HDAC10: variants seen among roughly 807,000 people sequenced by gnomAD.
The protein encoded by HDAC10 is histone deacetylase 10.
Under a neutral mutation model 82.3 loss-of-function variants are expected in HDAC10, and 90 were observed. The ratio of observed to expected loss-of-function variants is 1.09; its 90% CI spans 0.92 to 1.30. The LOEUF (loss-of-function observed/expected upper bound fraction) is 1.30. Among genes scored for constraint, HDAC10 ranks in the 50% most tolerant of loss-of-function variants. The pLI, the probability that HDAC10 is intolerant of heterozygous loss-of-function variation, is 0.00. For synonymous variants in HDAC10, 456 were observed against 391.7 expected, an observed-to-expected ratio of 1.16 and a Z score of -1.94; for missense variants, 934 against 876.3, an observed-to-expected ratio of 1.07 and a Z score of -0.83.
Position 50,250,418 on chromosome 22 carries a change from G to C in HDAC10, c.291+9C>G. 1.2e-6 allele frequency: 2 copies of C among 1,611,756 alleles called. No individual in the cohort carries two copies. Among genetic ancestry groups the C allele is most frequent in the Non-Finnish European group, 1.7e-6 (2 of 1,178,864 alleles). ...GTCTGCACAGGTGAGTGTGTCCGGG[G>C]ACACGCACCGGGTGGAAGTAGATGG... On this transcript the variant is annotated intron_variant, in intron 3 of 19. Transcript: ENST00000216271.
At position 50,245,895 on chromosome 22, in the gene HDAC10, C is replaced by T. The variant is rs755525016; in HGVS notation, c.1833+15G>A. 2.1e-5 allele frequency: 33 copies of T among 1,561,446 alleles called. No individual in the cohort carries two copies. The highest frequency in any genetic ancestry group is 2.8e-5 in the Non-Finnish European group (32 of 1,152,934). On this transcript the variant is annotated intron_variant, in intron 18 of 19. Transcript: ENST00000216271. ...CTCGTCCCACCCCGCAGCACCTCCA[C>T]CCTGCCCAGCTTACCTCCTCCAGGA...
In HDAC10 at chr22:50,248,718, G is replaced by C; in HGVS notation, c.850C>G (p.His284Asp). Residue 284 changes from histidine (H) to aspartate (D), a missense_variant, in exon 10 of 20, where the codon CAC becomes GAC. Physicochemically the swap from His to Asp is moderately conservative, Grantham distance 81 (BLOSUM62 -1). Transcript: ENST00000216271. The surrounding 1 kb of genome is among the most constrained non-coding windows in gnomAD (Gnocchi z 5.4). The part of the protein sequence containing the change: ...QMQATPECFA[H>D]LTQLLQVLAG... ...AGCACCTGCAGCAGCTGTGTGAGGT[G>C]GGCGAAGCACTCTGGCGTGGCCTGC... 1 of 1,565,694 alleles carries C rather than the reference G, an allele frequency of 6.4e-7. No homozygotes were observed. The highest frequency in any genetic ancestry group is 8.7e-7 in the Non-Finnish European group (1 of 1,154,546).
intron 14 of HDAC10, 94 bp from the exon 15 acceptor site, chr22:50,247,060 C>T (rs982492904): frequency 5.8e-5 from 41 of 709,414 alleles, no homozygotes; most frequent in South Asian, 4.0e-4. Context: ...TGTGTCTCTG[C>T]GGCTACTGTC....
Position 50,249,684 on chromosome 22 carries a change from C to T in HDAC10, c.514G>A (p.Asp172Asn). 6.2e-7 allele frequency: 1 copy of T among 1,612,730 alleles called. No homozygotes were observed. Among genetic ancestry groups the T allele is most frequent in the East Asian group, 2.2e-5 (1 of 44,846 alleles). The change falls in exon 6 of 20, where the codon GAT becomes AAT. Residue 172 changes from aspartate (D) to asparagine (N), a missense_variant. Physicochemically the swap from Asp to Asn is conservative, Grantham distance 23. Transcript: ENST00000216271. The surrounding 1 kb of genome is among the most constrained non-coding windows in gnomAD (Gnocchi z 4.4). ...TGGATCCCCTGGCCATGGTGCACATCCCAGTCCACGACGAGGATCCTGGGT... is the reference window on the plus strand; with the variant it reads ...TGGATCCCCTGGCCATGGTGCACATTCCAGTCCACGACGAGGATCCTGGGT... The part of the protein sequence containing the change: ...GLHRILVVDW[D>N]VHHGQGIQYL...
intron 17 of HDAC10, 55 bp from the exon 18 acceptor site, chr22:50,246,147 C>CT: frequency 6.4e-7 from 1 of 1,556,540 alleles, no homozygotes; most frequent in Non-Finnish European, 8.7e-7. Flanking sequence ...TGGCTCTGGC[C>CT]TCCCAACCTC....
In HDAC10 at chr22:50,245,217, G is replaced by T. The variant is rs1012057280; in HGVS notation, c.*290C>A. ...AGCGATGTTTACTAACGGCGCAAGG[G>T]CGGGGAGCGAAGCGCAGCGGGGCGC... On this transcript the variant is annotated 3_prime_UTR_variant, in exon 20 of 20. Coordinates refer to ENST00000216271, the MANE Select transcript of HDAC10 (RefSeq NM_032019.6). 1.8e-6 allele frequency: 1 copy of T among 566,450 alleles called. No homozygotes were observed. Among genetic ancestry groups the T allele is most frequent in the East Asian group, 3.1e-5 (1 of 32,190 alleles). 35.1% of individuals were successfully genotyped at this position (566,450 alleles called of 1,614,324 possible).
Position 50,251,024 on chromosome 22 carries a change from G to C in HDAC10, c.9C>G (p.Thr3=), listed in dbSNP as rs1287910084. Residue 3 remains threonine, a synonymous_variant, in exon 1 of 20, where the codon ACC becomes ACG. Transcript: ENST00000216271. The part of the protein sequence containing the change: MG[T]ALVYHEDMTA... ...TCATGTCCTCATGGTACACAAGCGC[G>C]GTCCCCATGGCTGCGCCGTGGTCAC... The C allele has an allele frequency of 1.2e-6, 2 of 1,611,244 alleles. No individual in the cohort carries two copies.
Position 50,245,660 on chromosome 22 carries a change from C to G in HDAC10, c.1986+15G>C. 1 of 1,612,598 alleles carries G rather than the reference C, an allele frequency of 6.2e-7. No individual in the cohort carries two copies. The highest frequency in any genetic ancestry group is 2.2e-5 in the East Asian group (1 of 44,852). On this transcript the variant is annotated intron_variant, in intron 19 of 19. Transcript: ENST00000216271. Reference sequence around the variant, plus strand: ...AGGCCCCAGGGCAGGGCCATGCCTCCGCAGTCAGCCTCACCTGCAACATCT... The same window carrying G: ...AGGCCCCAGGGCAGGGCCATGCCTCGGCAGTCAGCCTCACCTGCAACATCT...
chr22:50,250,586 G>C, intron 2 of HDAC10, 63 bp from the exon 3 acceptor site: 2 of 1,399,130 alleles, frequency 1.4e-6, no homozygotes, highest in Non-Finnish European at 2.0e-6. Flanking sequence ...GGCGGGAGGC[G>C]GGGACCTGGG....
chr22:50,245,942 C>T lies in HDAC10; in HGVS notation c.1801G>A (p.Ala601Thr), dbSNP rs779062288. The change falls in exon 18 of 20, where the codon GCA (alanine) becomes ACA (threonine). Residue 601 changes from alanine (A) to threonine (T), a missense_variant. By Grantham distance (58) the Ala-to-Thr change is moderately conservative. Coordinates refer to ENST00000216271, the MANE Select transcript of HDAC10 (RefSeq NM_032019.6). Reference sequence around the variant, plus strand: ...AGGAGGGCCAGGACTCGGCCCCCTGCCAGCCCCCGAAGCATTGCAGCCAGG... The same window carrying T: ...AGGAGGGCCAGGACTCGGCCCCCTGTCAGCCCCCGAAGCATTGCAGCCAGG... ...ALLAAMLRGL[A>T]GGRVLALLEE... is the part of the protein sequence containing the mutation. The T allele has an allele frequency of 1.3e-6, 2 of 1,594,590 alleles. No individual in the cohort carries two copies. Among genetic ancestry groups the T allele is most frequent in the Admixed American group, 1.8e-5 (1 of 57,052 alleles).
chr22:50,246,457 T>C, intron 16 of HDAC10, 81 bp from the exon 17 acceptor site: 1 of 1,263,344 alleles, frequency 7.9e-7, no homozygotes, highest in Non-Finnish European at 1.1e-6. Flanking sequence ...TGGAAGAGCA[T>C]TCACGGGGCC....
At position 50,245,436 on chromosome 22, in the gene HDAC10, C is replaced by T. The variant is rs1204794621; in HGVS notation, c.*71G>A. On this transcript the variant is annotated 3_prime_UTR_variant, in exon 20 of 20. Coordinates refer to ENST00000216271, the MANE Select transcript of HDAC10 (RefSeq NM_032019.6). The stretch of plus-strand genomic sequence containing the variant: ...TCGAGGGAGCCGTGGGCTTGGGGTC[C>T]GGATCGCGGCCGCGGGGCGCTGGCG... The T allele has an allele frequency of 9.6e-6, 7 of 727,926 alleles. No individual in the cohort carries two copies. Among genetic ancestry groups the T allele is most frequent in the South Asian group, 7.3e-5 (5 of 68,682 alleles). 45.1% of individuals were successfully genotyped at this position (727,926 alleles called of 1,614,324 possible). A position where few individuals can be genotyped will look rare whatever the true frequency, so the allele number is the denominator to read the frequency against.
chr22:50,251,120 G>A lies in HDAC10; in HGVS notation c.-88C>T. ...TCCCCACCTTCGGCCGGGAGCAGCC[G>A]GAGGCCTGGGACCTGCCTGGGGCGC... On this transcript the variant is annotated 5_prime_UTR_variant, in exon 1 of 20. Transcript: ENST00000216271. 2 of 1,407,386 alleles carry A rather than the reference G, an allele frequency of 1.4e-6. No individual in the cohort carries two copies. The highest frequency in any genetic ancestry group is 2.0e-6 in the Non-Finnish European group (2 of 1,025,234). The allele number at this position is 1,407,386 out of a possible 1,614,324, so 87.2% of individuals were successfully genotyped here. A position where few individuals can be genotyped will look rare whatever the true frequency, so the allele number is the denominator to read the frequency against.
chr22:50,251,091 C>T lies in HDAC10; in HGVS notation c.-59G>A. 6.6e-7 allele frequency: 1 copy of T among 1,511,882 alleles called. No homozygotes were observed. Among genetic ancestry groups the T allele is most frequent in the Non-Finnish European group, 9.1e-7 (1 of 1,104,934 alleles). The allele number at this position is 1,511,882 out of a possible 1,614,324, so 93.7% of individuals were successfully genotyped here. A position where few individuals can be genotyped will look rare whatever the true frequency, so the allele number is the denominator to read the frequency against. On this transcript the variant is annotated 5_prime_UTR_variant, in exon 1 of 20. Transcript: ENST00000216271. ...CCCTCGCTAGTGGTGCCTGCCACTG[C>T]CTGTCCCCACCTTCGGCCGGGAGCA...
At chr22:50,250,692 C>T (rs112318133) in intron 2 of HDAC10, 79 bp downstream of exon 2, 3 of 1,434,350 alleles carry the variant, frequency 2.1e-6, no homozygotes, top group Non-Finnish European at 2.8e-6. Flanking sequence ...CTGGCAGGCT[C>T]GGGGTAGGCC....
intron 3 of HDAC10, 91 bp from the exon 4 acceptor site, chr22:50,250,251 G>A (rs888970524): frequency 7.4e-7 from 1 of 1,349,800 alleles, no homozygotes; most frequent in Non-Finnish European, 1.0e-6. Context: ...CAAGACACCA[G>A]CTGCTGAGCA....
At chr22:50,245,605 G>T in intron 19 of HDAC10, 70 bp downstream of exon 19, 1 of 1,596,812 alleles carries the variant, frequency 6.3e-7, no homozygotes. Flanking sequence ...CCCCTGCCCT[G>T]CCCTCCCCAC....
In HDAC10 at chr22:50,250,781, G is replaced by A. The variant is rs2147247230; in HGVS notation, c.184C>T (p.Leu62=). Residue 62 remains leucine (L), a synonymous_variant, in exon 2 of 20, where the codon CTG becomes TTG. Transcript: ENST00000216271. ...AREASEEELG[L]VHSPEYVSLV... The stretch of plus-strand genomic sequence containing the variant: ...TGCCCCCGTCCTGACCTGTGCACCA[G>A]GCCCAGCTCCTCTTCCGAGGCCTCG... The A allele has an allele frequency of 2.5e-6, 4 of 1,599,582 alleles. No homozygotes were observed. The highest frequency in any genetic ancestry group is 2.6e-6 in the Non-Finnish European group (3 of 1,174,252).
At position 50,248,216 on chromosome 22, in the gene HDAC10, C is replaced by T. The variant is rs754289967; in HGVS notation, c.1081+9G>A. On this transcript the variant is annotated intron_variant, in intron 12 of 19. Coordinates refer to ENST00000216271, the MANE Select transcript of HDAC10 (RefSeq NM_032019.6). This position sits in a 1 kb window ranked among gnomAD's most constrained non-coding sequence, Gnocchi z 5.4. The stretch of plus-strand genomic sequence containing the variant: ...GGGATCCTGCAGCCTAGCACCCGGC[C>T]ACACTGACCTTGCTGCTGGAGGCTC... 18 of 1,610,786 alleles carry T rather than the reference C, an allele frequency of 1.1e-5. No individual in the cohort carries two copies. Among genetic ancestry groups the T allele is most frequent in the Middle Eastern group, 1.7e-4 (1 of 6,056 alleles).
Sources: allele counts gnomAD v4.1 joint callset, GRCh38; gene constraint gnomAD v4.1.1; non-coding constraint Gnocchi (gnomAD v3.1); transcripts MANE v1.5; gene names NCBI Gene and HGNC (gene_info 2026-07-23, HGNC 2026-07-21).